PLBD1: variants seen among roughly 807,000 people sequenced by gnomAD.
The protein encoded by PLBD1 is lysosomal leucine aminopeptidase.
A neutral mutation model predicts 63.0 loss-of-function variants in PLBD1; 60 were observed. That is an observed-to-expected ratio of 0.95 (90% CI 0.77 to 1.18). The LOEUF is 1.18. Ranked by LOEUF, PLBD1 falls within the 50% of genes most tolerant of loss-of-function variation. The pLI, the probability that PLBD1 is intolerant of heterozygous loss-of-function variation, is 0.00. For missense variants in PLBD1, 598 were observed against 677.9 expected (o/e 0.88, Z 1.31); for synonymous variants, 262 against 248.0 (o/e 1.06, Z -0.53).
In PLBD1 at chr12:14,509,389, A is replaced by C. The variant is rs11056001; in HGVS notation, c.1186+1871T>G. ...AGCAAGCATCTCTCTCTCTTGAGGC[A>C]TGCTATTATTTTCAGGCTCTTAGGA... On this transcript the variant is annotated intron_variant, in intron 8 of 10. Transcript: ENST00000240617. Among the ~76,000 whole-genome samples the C allele has an allele frequency of 1.6e-3, 240 of 152,288 alleles. 2 individuals carry two copies. In the South Asian group the frequency reaches 0.021, roughly 13 times the overall value.
At chr12:14,564,603 G>C (rs1945766311) in intron 1 of PLBD1, among the ~76,000 whole-genome samples, 1 of 152,226 alleles carries the variant, frequency 6.6e-6, no homozygotes, top group Non-Finnish European at 1.5e-5. Flanking sequence ...CAGTCTGCCT[G>C]ACAGTTATAT....
At chr12:14,515,592 T>C (rs950492709) in intron 6 of PLBD1, among the ~76,000 whole-genome samples, 24 of 152,170 alleles carry the variant, frequency 1.6e-4, no homozygotes, top group Middle Eastern at 6.8e-3. Flanking sequence ...AGTACCTAGA[T>C]CAAAGAGGTA....
intron 2 of PLBD1, among the ~76,000 whole-genome samples, chr12:14,543,357 A>G (rs1945590382): frequency 6.6e-6 from 1 of 152,130 alleles, no homozygotes; most frequent in Admixed American, 6.6e-5. Context: ...CTACCCATTG[A>G]CATCCTCCAT....
Position 14,506,210 on chromosome 12 carries a change from C to T in PLBD1, c.1431G>A (p.Glu477=). ...GDPCNTICCR[E]DLNSPNPSPG... is the part of the protein sequence containing the mutation. ...GACTTGGGTTAGGTGAGTTCAGGTC[C>T]TCACGGCAGCAGATGGTATTACAGG... The change falls in exon 10 of 11, where the codon GAG becomes GAA. Residue 477 remains glutamate (E), a synonymous_variant. Coordinates refer to ENST00000240617, the MANE Select transcript of PLBD1 (RefSeq NM_024829.6). 1 of 1,613,320 alleles carries T rather than the reference C, an allele frequency of 6.2e-7. No individual in the cohort carries two copies. The highest frequency in any genetic ancestry group is 2.2e-5 in the East Asian group (1 of 44,862).
intron 1 of PLBD1, among the ~76,000 whole-genome samples, chr12:14,560,140 A>G (rs895773149): frequency 2.0e-5 from 3 of 152,234 alleles, no homozygotes; most frequent in African/African-American, 4.8e-5. Context: ...GATTACAGGC[A>G]TGAGCCACTG....
chr12:14,518,939 CA>C (rs771914020), intron 6 of PLBD1, among the ~76,000 whole-genome samples: 9 of 142,938 alleles, frequency 6.3e-5, no homozygotes, highest in Admixed American at 1.4e-4. Context: ...ATTACCCAGC[CA>C]AAAAAAAAAT....
At chr12:14,511,120 C>A in intron 8 of PLBD1, 140 bp downstream of exon 8, 1 of 852,794 alleles carries the variant, frequency 1.2e-6, no homozygotes, top group Non-Finnish European at 1.8e-6. Flanking sequence ...CCTGGTCATT[C>A]TGGTGTAATA....
chr12:14,521,759 T>C (rs1261356021), intron 6 of PLBD1, among the ~76,000 whole-genome samples: 1 of 151,872 alleles, frequency 6.6e-6, no homozygotes, highest in Non-Finnish European at 1.5e-5. Flanking sequence ...CAAGAAAACA[T>C]GATACCACCA....
intron 6 of PLBD1, among the ~76,000 whole-genome samples, chr12:14,520,438 T>C (rs1174020075): frequency 6.6e-6 from 1 of 152,108 alleles, no homozygotes; most frequent in Non-Finnish European, 1.5e-5. Context: ...GAAGTTTGAG[T>C]GCAAGCAAGG....
At chr12:14,520,654 G>C (rs1407360381) in intron 6 of PLBD1, among the ~76,000 whole-genome samples, 2 of 152,204 alleles carry the variant, frequency 1.3e-5, no homozygotes, top group Non-Finnish European at 2.9e-5. Context: ...AGACCCAGTG[G>C]AGCATGGAGA....
At chr12:14,554,204 C>G (rs529598279) in intron 1 of PLBD1, 4 of 152,560 alleles carry the variant, frequency 2.6e-5, no homozygotes, top group African/African-American at 9.6e-5. Flanking sequence ...CCTACACAAT[C>G]CCTGCACTCA....
At chr12:14,534,875 C>T (rs1479017715) in intron 6 of PLBD1, among the ~76,000 whole-genome samples, 1 of 152,170 alleles carries the variant, frequency 6.6e-6, no homozygotes, top group Non-Finnish European at 1.5e-5. Context: ...TATTCATTTA[C>T]CTCACCTGCC....
chr12:14,542,584 A>C (rs965064670), intron 2 of PLBD1, among the ~76,000 whole-genome samples: 10 of 152,208 alleles, frequency 6.6e-5, no homozygotes, highest in African/African-American at 2.4e-4. Context: ...ATTTGAGTCG[A>C]AGCCTCTGTG....
intron 1 of PLBD1, among the ~76,000 whole-genome samples, chr12:14,561,699 C>T (rs1945743144): frequency 6.6e-6 from 1 of 152,154 alleles, no homozygotes; most frequent in South Asian, 2.1e-4. Flanking sequence ...GGATCACAAG[C>T]GTGCGCCACG....
chr12:14,556,727 G>A (rs1005293921), intron 1 of PLBD1, among the ~76,000 whole-genome samples: 2 of 149,042 alleles, frequency 1.3e-5, no homozygotes, highest in African/African-American at 4.9e-5. Context: ...GTTCACCGCT[G>A]TAATTCCAGC....
intron 2 of PLBD1, among the ~76,000 whole-genome samples, chr12:14,546,524 CAAGAT>C (rs1285007084): frequency 6.6e-6 from 1 of 152,092 alleles, no homozygotes; most frequent in Non-Finnish European, 1.5e-5. Context: ...CAGTCTATTT[CAAGAT>C]AAGGCAGTAG....
At chr12:14,515,897 C>CA (rs71067801) in intron 6 of PLBD1, among the ~76,000 whole-genome samples, 66,570 of 143,700 alleles carry the variant, frequency 0.46, 15,389 homozygotes, top group Admixed American at 0.61. Flanking sequence ...ACTAAAAATA[C>CA]AAAAAAAAAA....
At chr12:14,563,474 C>T (rs770429259) in intron 1 of PLBD1, among the ~76,000 whole-genome samples, 2 of 152,032 alleles carry the variant, frequency 1.3e-5, no homozygotes, top group Non-Finnish European at 2.9e-5. Flanking sequence ...GCCAAGATCG[C>T]GCCTTTGCAC....
chr12:14,558,094 G>C (rs1945720067), intron 1 of PLBD1, among the ~76,000 whole-genome samples: 1 of 148,418 alleles, frequency 6.7e-6, no homozygotes, highest in African/African-American at 2.5e-5. Context: ...TGCACTAAAA[G>C]TAGAGTCTTA....
Sources: gnomAD v4.1 joint callset for allele counts (sites outside exome capture counted in the v4.1 genomes callset) on GRCh38, gnomAD v4.1.1 for gene constraint, MANE v1.5 for transcripts, NCBI Gene and HGNC (gene_info 2026-07-23, HGNC 2026-07-21) for gene names.